The following MAPK10 variants were observed in gnomAD, a reference collection of about 807,000 sequenced individuals.
The protein encoded by MAPK10 is mitogen-activated protein kinase 10.
In MAPK10, 25 loss-of-function variants were observed where a neutral mutation model predicts 59.3. The observed-to-expected ratio is 0.42, with a 90% confidence interval of 0.31 to 0.59. The LOEUF (loss-of-function observed/expected upper bound fraction) is 0.59, where lower values mean the gene tolerates loss of function less well. Among genes scored for constraint, MAPK10 ranks in the 20% least tolerant of loss-of-function variants. The probability of loss-of-function intolerance (pLI) is 0.15; values close to 1 mark genes in which losing one functional copy is unlikely to be tolerated. For missense variants in MAPK10, 351 were observed against 568.9 expected (o/e 0.62, Z 3.90); for synonymous variants, 190 against 200.5 (o/e 0.95, Z 0.44).
intron 1 of MAPK10, among the ~76,000 whole-genome samples, chr4:86,507,959 C>G (rs1316284776): frequency 6.6e-6 from 1 of 151,756 alleles, no homozygotes; most frequent in South Asian, 2.1e-4. Context: ...ATCTACCCAG[C>G]AATTGTCTGT....
At chr4:86,046,815 C>A (rs1437939879) in intron 11 of MAPK10, among the ~76,000 whole-genome samples, 1 of 151,992 alleles carries the variant, frequency 6.6e-6, no homozygotes, top group Admixed American at 6.6e-5. Context: ...ATTCATTCAG[C>A]AAATATTGAT....
At chr4:86,421,019 T>C (rs1178348533) in intron 1 of MAPK10, among the ~76,000 whole-genome samples, 1 of 149,570 alleles carries the variant, frequency 6.7e-6, no homozygotes, top group African/African-American at 2.5e-5. Flanking sequence ...GAGGCAGAGG[T>C]TGCAGTGAGC....
chr4:86,267,452 T>G (rs1334579375), intron 2 of MAPK10, among the ~76,000 whole-genome samples: 1 of 152,196 alleles, frequency 6.6e-6, no homozygotes, highest in Non-Finnish European at 1.5e-5. Flanking sequence ...AAATACTACT[T>G]GCTTTGAGAC....
chr4:86,134,514 T>A (rs1314228354), intron 4 of MAPK10, among the ~76,000 whole-genome samples: 1 of 152,200 alleles, frequency 6.6e-6, no homozygotes, highest in Non-Finnish European at 1.5e-5. Flanking sequence ...CCACACATAC[T>A]TTTTCCAGTT....
chr4:86,357,397 T>C (rs896312251), intron 1 of MAPK10, among the ~76,000 whole-genome samples: 3 of 152,150 alleles, frequency 2.0e-5, no homozygotes, highest in African/African-American at 7.2e-5. Flanking sequence ...AATAAAACCT[T>C]AAAAATATAT....
chr4:86,317,357 A>G (rs1174345380), intron 2 of MAPK10, among the ~76,000 whole-genome samples: 1 of 152,102 alleles, frequency 6.6e-6, no homozygotes, highest in East Asian at 1.9e-4. Flanking sequence ...GAAGATGCCC[A>G]TTACTCTGCC....
chr4:86,281,820 T>A (rs2094821124), intron 2 of MAPK10, among the ~76,000 whole-genome samples: 1 of 152,146 alleles, frequency 6.6e-6, no homozygotes, highest in Admixed American at 6.5e-5. Context: ...AATTGACTTT[T>A]ATAATAATAC....
chr4:86,539,039 C>T (rs1758468927), intron 1 of MAPK10, among the ~76,000 whole-genome samples: 1 of 151,822 alleles, frequency 6.6e-6, no homozygotes, highest in Non-Finnish European at 1.5e-5. Context: ...AAAATCAATC[C>T]CCATCAGTGT....
chr4:86,130,524 G>A (rs545081695), intron 4 of MAPK10, among the ~76,000 whole-genome samples: 124 of 152,244 alleles, frequency 8.1e-4, no homozygotes, highest in Non-Finnish European at 1.5e-3. Context: ...ATAATTGCTA[G>A]ATAAATGTTC....
In MAPK10 at chr4:86,588,682, C is replaced by A. The variant is rs77289993; in HGVS notation, c.-263+5228G>T. ...CTGAAGTAGAATAAATTAAAGGATA[C>A]AAACATAAATTGTGAAAGACATTGA... On this transcript the variant is annotated intron_variant, in intron 1 of 4. Transcript: ENST00000502302. 2.6e-3 allele frequency among the ~76,000 whole-genome samples: 394 copies of A among 152,198 alleles called. 4 individuals carry two copies. The highest frequency in any genetic ancestry group is 9.2e-3 in the African/African-American group (383 of 41,518).
intron 2 of MAPK10, among the ~76,000 whole-genome samples, chr4:86,306,047 A>T (rs1340805629): frequency 6.6e-6 from 1 of 152,184 alleles, no homozygotes. Context: ...TTTTACCCAG[A>T]TGCTCTTAAA....
At chr4:86,088,595 G>T (rs970622262) in intron 9 of MAPK10, among the ~76,000 whole-genome samples, 7 of 152,188 alleles carry the variant, frequency 4.6e-5, no homozygotes, top group Non-Finnish European at 8.8e-5. Flanking sequence ...TATTAATGAG[G>T]TTTTAATTAT....
chr4:86,026,025 T>C (rs1057042830), intron 13 of MAPK10, among the ~76,000 whole-genome samples: 22 of 152,226 alleles, frequency 1.4e-4, no homozygotes, highest in Non-Finnish European at 2.8e-4. Context: ...TAATGGACTA[T>C]ATTAGTGACC....
intron 1 of MAPK10, among the ~76,000 whole-genome samples, chr4:86,464,514 C>T (rs1175054997): frequency 3.3e-5 from 5 of 152,326 alleles, no homozygotes; most frequent in Admixed American, 3.3e-4. Context: ...TTGCAAACAG[C>T]AGTTAAGAGT....
chr4:86,429,406 A>T (rs966296295), intron 1 of MAPK10, among the ~76,000 whole-genome samples: 3 of 152,160 alleles, frequency 2.0e-5, no homozygotes, highest in Admixed American at 6.5e-5. Context: ...TAATATTATT[A>T]AAAAAGATTA....
intron 11 of MAPK10, among the ~76,000 whole-genome samples, chr4:86,057,491 G>A (rs1168988679): frequency 6.7e-6 from 1 of 149,840 alleles, no homozygotes. Flanking sequence ...ATTTGGAGGA[G>A]TTTATTTTGT....
chr4:86,387,542 G>A (rs184195198), intron 1 of MAPK10, among the ~76,000 whole-genome samples: 2 of 152,256 alleles, frequency 1.3e-5, no homozygotes, highest in Admixed American at 1.3e-4. Context: ...ATCCAGGCTT[G>A]GACTGGAGCA....
At chr4:86,208,979 G>C (rs1284016739) in intron 2 of MAPK10, among the ~76,000 whole-genome samples, 1 of 151,974 alleles carries the variant, frequency 6.6e-6, no homozygotes, top group East Asian at 1.9e-4. Context: ...GACACTAATT[G>C]CTTGTTCCTA....
upstream of MAPK10, among the ~76,000 whole-genome samples, chr4:86,362,739 T>G (rs1737208224): frequency 6.6e-6 from 1 of 152,092 alleles, no homozygotes; most frequent in Non-Finnish European, 1.5e-5. Flanking sequence ...AAAACCAAAG[T>G]GAGATACCAT....
Sources: allele counts gnomAD v4.1 joint callset (sites outside exome capture counted in the v4.1 genomes callset), GRCh38; gene constraint gnomAD v4.1.1; transcripts MANE v1.5; gene names NCBI Gene and HGNC (gene_info 2026-07-23, HGNC 2026-07-21).